The following PPM1E variants were observed in gnomAD, a reference collection of about 807,000 sequenced individuals.
The protein encoded by PPM1E is protein phosphatase, Mg2+/Mn2+ dependent 1E.
PPM1E carries 20 observed loss-of-function variants against 65.9 expected under a neutral mutation model. That is an observed-to-expected ratio of 0.30 (90% CI 0.21 to 0.44). The LOEUF is 0.44. Among genes scored for constraint, PPM1E ranks in the 20% least tolerant of loss-of-function variants. PPM1E has a pLI of 1.00. For missense variants in PPM1E, 713 were observed against 953.1 expected (o/e 0.75, Z 3.32); for synonymous variants, 352 against 374.9 (o/e 0.94, Z 0.70).
intron 1 of PPM1E, among the ~76,000 whole-genome samples, chr17:58,860,215 G>C (rs1445083940): frequency 6.6e-6 from 1 of 152,174 alleles, no homozygotes; most frequent in East Asian, 1.9e-4. Flanking sequence ...GGCTTTGAAA[G>C]GGTATGAAGT....
chr17:58,980,351 C>T lies in PPM1E; in HGVS notation c.1588C>T (p.Pro530Ser). The T allele has an allele frequency of 1.2e-6, 2 of 1,614,096 alleles. No homozygotes were observed. The highest frequency in any genetic ancestry group is 1.7e-6 in the Non-Finnish European group (2 of 1,180,008). ...TCATGGAGAGTGCAAACGCCCTTGG[C>T]CTCAGCACCAGTGCTCAGCACCAGC... is the stretch of plus-strand genomic sequence containing the variant. Reference protein sequence around the residue: ...ENHGECKRPWPQHQCSAPADL... With the variant: ...ENHGECKRPWSQHQCSAPADL... The change falls in exon 7 of 7, where the codon CCT (proline) becomes TCT (serine). Residue 530 changes from proline to serine, a missense_variant. Transcript: ENST00000308249. This position sits in a 1 kb window ranked among gnomAD's most constrained non-coding sequence, Gnocchi z 4.7.
chr17:58,879,501 CTTTTTTTTTT>C (rs71367639), intron 1 of PPM1E, among the ~76,000 whole-genome samples: 2 of 88,788 alleles, frequency 2.3e-5, no homozygotes, highest in Non-Finnish European at 4.3e-5. Flanking sequence ...CTGAGATTAA[CTTTTTTTTTT>C]TTTTTTTTTT....
chr17:58,856,824 T>A (rs561903655), intron 1 of PPM1E, among the ~76,000 whole-genome samples: 4 of 152,356 alleles, frequency 2.6e-5, no homozygotes, highest in African/African-American at 9.6e-5. Context: ...TGAGAAAATT[T>A]TCTGTTGTTT....
intron 1 of PPM1E, among the ~76,000 whole-genome samples, chr17:58,926,011 T>C (rs1475243709): frequency 2.0e-5 from 3 of 152,098 alleles, no homozygotes; most frequent in Non-Finnish European, 4.4e-5. Context: ...AACTGGGAAT[T>C]GTGTGTTAAT....
intron 1 of PPM1E, among the ~76,000 whole-genome samples, chr17:58,793,363 T>TTA (rs1169243173): frequency 6.7e-6 from 1 of 149,950 alleles, no homozygotes; most frequent in Non-Finnish European, 1.5e-5. Flanking sequence ...ATTATTATTA[T>TTA]TTTTTTTTTT....
At chr17:58,763,153 A>C (rs904978846) in intron 1 of PPM1E, among the ~76,000 whole-genome samples, 2 of 152,092 alleles carry the variant, frequency 1.3e-5, no homozygotes, top group African/African-American at 4.8e-5. Flanking sequence ...GCTTAACATA[A>C]TGTTAGTTTA....
chr17:58,762,757 G>A (rs2049834305), intron 1 of PPM1E, among the ~76,000 whole-genome samples: 1 of 151,980 alleles, frequency 6.6e-6, no homozygotes, highest in African/African-American at 2.4e-5. Context: ...AATTAGCCGG[G>A]CATAGTGGCG....
At position 58,969,636 on chromosome 17, in the gene PPM1E, G is replaced by A. The variant is rs771159498; in HGVS notation, c.881G>A (p.Arg294His). 2.3e-5 allele frequency: 37 copies of A among 1,613,976 alleles called. No homozygotes were observed. In the Admixed American group the frequency reaches 2.7e-4, roughly 12 times the overall value. The change falls in exon 4 of 7, where the codon CGC (arginine) becomes CAC (histidine). Residue 294 changes from arginine to histidine, a missense_variant. Coordinates refer to ENST00000308249, the MANE Select transcript of PPM1E (RefSeq NM_014906.5). ...ASIHLHVNLV[R>H]QEMFPHDPAE... Reference sequence around the variant, plus strand: ...ATTCACCTCCACGTTAACTTAGTCCGCCAGGAGATGTTCCCCCATGATCCT... The same window carrying A: ...ATTCACCTCCACGTTAACTTAGTCCACCAGGAGATGTTCCCCCATGATCCT...
chr17:58,895,624 G>A (rs545162269), intron 1 of PPM1E, among the ~76,000 whole-genome samples: 47 of 151,996 alleles, frequency 3.1e-4, no homozygotes, highest in Non-Finnish European at 5.4e-4. Context: ...GCTGGCAACA[G>A]TGAGACCCCC....
intron 1 of PPM1E, among the ~76,000 whole-genome samples, chr17:58,924,001 C>T (rs930218366): frequency 1.3e-5 from 2 of 148,606 alleles, no homozygotes; most frequent in African/African-American, 2.5e-5. Context: ...TCACTGCAAC[C>T]TCCACCTCCT....
At chr17:58,829,899 G>A (rs1206195402) in intron 1 of PPM1E, among the ~76,000 whole-genome samples, 2 of 152,176 alleles carry the variant, frequency 1.3e-5, no homozygotes, top group Admixed American at 1.3e-4. Flanking sequence ...ACAGGTTAAA[G>A]GCCAAGCGTG....
intron 1 of PPM1E, among the ~76,000 whole-genome samples, chr17:58,867,100 C>G (rs1324845960): frequency 6.6e-6 from 1 of 152,170 alleles, no homozygotes; most frequent in Admixed American, 6.5e-5. Context: ...CCTGCCTCAG[C>G]CCCCTGAGTA....
At chr17:58,922,626 TTTA>T (rs1567875857) in intron 1 of PPM1E, among the ~76,000 whole-genome samples, 1 of 152,132 alleles carries the variant, frequency 6.6e-6, no homozygotes, top group Non-Finnish European at 1.5e-5. Context: ...AGAATTTTTT[TTTA>T]TTATTATTTC....
chr17:58,964,934 A>T (rs1340179671), intron 2 of PPM1E, among the ~76,000 whole-genome samples: 1 of 151,996 alleles, frequency 6.6e-6, no homozygotes, highest in Non-Finnish European at 1.5e-5. Flanking sequence ...AATCCCAGCC[A>T]CTTGGGAGGC....
At chr17:58,832,405 A>G (rs1253062714) in intron 1 of PPM1E, among the ~76,000 whole-genome samples, 1 of 152,200 alleles carries the variant, frequency 6.6e-6, no homozygotes, top group African/African-American at 2.4e-5. Flanking sequence ...TATGTTCTGC[A>G]AAGGGAAGAG....
intron 1 of PPM1E, among the ~76,000 whole-genome samples, chr17:58,795,016 G>A (rs866470313): frequency 6.6e-6 from 1 of 151,340 alleles, no homozygotes; most frequent in South Asian, 2.1e-4. Context: ...AGCCTCCCAA[G>A]TAGCTGGGGT....
At chr17:58,775,089 G>C (rs956296268) in intron 1 of PPM1E, among the ~76,000 whole-genome samples, 2 of 152,152 alleles carry the variant, frequency 1.3e-5, no homozygotes. Flanking sequence ...TTGATCACGT[G>C]ATCCAGCTGC....
intron 1 of PPM1E, among the ~76,000 whole-genome samples, chr17:58,920,852 G>A (rs1426383854): frequency 6.6e-6 from 1 of 152,200 alleles, no homozygotes; most frequent in East Asian, 1.9e-4. Context: ...TAGAGATAGA[G>A]AAGAGGTCAA....
chr17:58,849,967 A>C (rs1349058981), intron 1 of PPM1E, among the ~76,000 whole-genome samples: 1 of 152,100 alleles, frequency 6.6e-6, no homozygotes, highest in African/African-American at 2.4e-5. Context: ...GTGCTTCTGT[A>C]TTGGGTGCAT....
Sources: gnomAD v4.1 joint callset for allele counts (sites outside exome capture counted in the v4.1 genomes callset) on GRCh38, gnomAD v4.1.1 for gene constraint, Gnocchi (gnomAD v3.1) non-coding constraint, MANE v1.5 for transcripts, NCBI Gene and HGNC (gene_info 2026-07-23, HGNC 2026-07-21) for gene names.